VAV1: variants seen among roughly 807,000 people sequenced by gnomAD.
The protein encoded by VAV1 is vav guanine nucleotide exchange factor 1.
Under a neutral mutation model 128.1 loss-of-function variants are expected in VAV1, and 33 were observed. The observed-to-expected ratio is 0.26, with a 90% CI of 0.20 to 0.34. VAV1 has a LOEUF of 0.34. Among genes scored for constraint, VAV1 ranks in the 10% least tolerant of loss-of-function variants. VAV1 has a pLI of 1.00. For missense variants in VAV1, 715 were observed against 1,093.7 expected (o/e 0.65, Z 4.88); for synonymous variants, 394 against 409.8 (o/e 0.96, Z 0.47).
intron 7 of VAV1, 78 bp from the exon 8 acceptor site, chr19:6,825,225 G>T (rs1971888671): frequency 1.3e-6 from 2 of 1,574,966 alleles, no homozygotes; most frequent in Non-Finnish European, 1.7e-6. Flanking sequence ...GCGGCATGGG[G>T]CGGGTGGATG....
chr19:6,840,299 C>CTTT (rs1399297947), intron 21 of VAV1, among the ~76,000 whole-genome samples: 1 of 127,766 alleles, frequency 7.8e-6, no homozygotes, highest in African/African-American at 2.7e-5. Flanking sequence ...TCAGAATTTT[C>CTTT]TTTCTTTTTT....
Position 6,826,943 on chromosome 19 carries a change from C to G in VAV1, c.927+232C>G. The G allele has an allele frequency of 1.8e-6, 1 of 564,694 alleles. No individual in the cohort carries two copies. The allele number at this position is 564,694 out of a possible 1,614,324, so 35.0% of individuals were successfully genotyped here. A position where few individuals can be genotyped will look rare whatever the true frequency, so the allele number is the denominator to read the frequency against. On this transcript the variant is annotated intron_variant, in intron 9 of 26. Transcript: ENST00000602142. The surrounding 1 kb of genome is among the most constrained non-coding windows in gnomAD (Gnocchi z 4.1). ...CCTGATATCAGGGTGAAGTCCTGAC[C>G]CTGAACTGAGCTCTGATCTCACACT...
chr19:6,810,429 C>A (rs960770097), intron 1 of VAV1, among the ~76,000 whole-genome samples: 2 of 152,120 alleles, frequency 1.3e-5, no homozygotes, highest in Non-Finnish European at 2.9e-5. Flanking sequence ...CTTGGCCGGG[C>A]ACAGTGGTTC....
intron 1 of VAV1, among the ~76,000 whole-genome samples, chr19:6,786,182 C>T (rs559054337): frequency 9.3e-5 from 14 of 150,742 alleles, no homozygotes; most frequent in South Asian, 2.1e-4. Flanking sequence ...TTTAGAACAC[C>T]ACCTGGCACA....
At chr19:6,806,831 G>A (rs1971407304) in intron 1 of VAV1, among the ~76,000 whole-genome samples, 1 of 152,214 alleles carries the variant, frequency 6.6e-6, no homozygotes, top group Non-Finnish European at 1.5e-5. Flanking sequence ...TGCATAATTA[G>A]TTAATGAATA....
chr19:6,857,040 T>C lies in VAV1; in HGVS notation c.2485-14T>C, dbSNP rs770080114. The C allele has an allele frequency of 6.2e-7, 1 of 1,613,896 alleles. No homozygotes were observed. Among genetic ancestry groups the C allele is most frequent in the Non-Finnish European group, 8.5e-7 (1 of 1,179,800 alleles). ...TGCAGAGGTTGCACTGATGAACTCC[T>C]CGTCTGTTTCCAGGTTGGCTGGTTC... On this transcript the variant is annotated splice_polypyrimidine_tract_variant and intron_variant, in intron 26 of 26. Coordinates refer to ENST00000602142, the MANE Select transcript of VAV1 (RefSeq NM_005428.4).
chr19:6,787,572 A>AGATT (rs1482993433), intron 1 of VAV1, among the ~76,000 whole-genome samples: 4 of 138,742 alleles, frequency 2.9e-5, no homozygotes, highest in East Asian at 2.2e-4. Flanking sequence ...CAACTACTCC[A>AGATT]GATTTATTTA....
At chr19:6,796,396 G>A (rs1971136596) in intron 1 of VAV1, among the ~76,000 whole-genome samples, 2 of 151,802 alleles carry the variant, frequency 1.3e-5, no homozygotes, top group African/African-American at 4.9e-5. Context: ...CCACGGTTTG[G>A]GCATATCGGC....
At chr19:6,807,718 A>G (rs899523202) in intron 1 of VAV1, among the ~76,000 whole-genome samples, 23 of 152,080 alleles carry the variant, frequency 1.5e-4, no homozygotes, top group African/African-American at 5.3e-4. Context: ...TTTTAAAAAA[A>G]AGTTAAAATC....
Position 6,826,481 on chromosome 19 carries a change from A to G in VAV1, c.828-131A>G. 1 of 668,086 alleles carries G rather than the reference A, an allele frequency of 1.5e-6. No homozygotes were observed. Among genetic ancestry groups the G allele is most frequent in the Non-Finnish European group, 2.7e-6 (1 of 371,462 alleles). The allele number at this position is 668,086 out of a possible 1,614,324, so 41.4% of individuals were successfully genotyped here. Reference sequence around the variant, plus strand: ...CATGGGAGATGCTATTGTTATGCCCATTTCACAGATGGAGAAACTGGGACT... The same window carrying G: ...CATGGGAGATGCTATTGTTATGCCCGTTTCACAGATGGAGAAACTGGGACT... On this transcript the variant is annotated intron_variant, in intron 8 of 26. Coordinates refer to ENST00000602142, the MANE Select transcript of VAV1 (RefSeq NM_005428.4). The surrounding 1 kb of genome is among the most constrained non-coding windows in gnomAD (Gnocchi z 4.1).
Position 6,775,747 on chromosome 19 carries a change from A to C in VAV1, c.204+2736A>C, listed in dbSNP as rs1970605831. On this transcript the variant is annotated intron_variant, in intron 1 of 26. Coordinates refer to ENST00000602142, the MANE Select transcript of VAV1 (RefSeq NM_005428.4). ...TGACAAGAAGCCAGAGGAAGCTGCC[A>C]CAGGAACAACCTCTCTGGGTTTCTG... Among the ~76,000 whole-genome samples, 3 of 152,184 alleles carry C rather than the reference A, an allele frequency of 2.0e-5. No homozygotes were observed. In the South Asian group the frequency reaches 6.2e-4, roughly 32 times the overall value.
At chr19:6,804,114 G>A (rs945093366) in intron 1 of VAV1, among the ~76,000 whole-genome samples, 3 of 152,048 alleles carry the variant, frequency 2.0e-5, no homozygotes, top group African/African-American at 7.2e-5. Flanking sequence ...GCTTTCCACG[G>A]CAGTGAAAAT....
Position 6,825,302 on chromosome 19 carries a change from G to A in VAV1, c.724-1G>A. 6.2e-7 allele frequency: 1 copy of A among 1,611,090 alleles called. No individual in the cohort carries two copies. The highest frequency in any genetic ancestry group is 8.5e-7 in the Non-Finnish European group (1 of 1,178,490). ...CAGCCCTCACCCTTCCCTCCGAGTA[G>A]GACCTGCTTCGTGTTCATACTCACT... On this transcript the variant is annotated splice_acceptor_variant, in intron 7 of 26. Transcript: ENST00000602142. LOFTEE classifies it high-confidence loss of function.
At chr19:6,839,808 C>T (rs894069348) in intron 21 of VAV1, among the ~76,000 whole-genome samples, 8 of 151,930 alleles carry the variant, frequency 5.3e-5, no homozygotes, top group African/African-American at 1.2e-4. Flanking sequence ...CTCACACTTC[C>T]GCCTCCCAAG....
intron 1 of VAV1, among the ~76,000 whole-genome samples, chr19:6,793,461 G>A (rs1488769756): frequency 6.6e-6 from 1 of 152,118 alleles, no homozygotes; most frequent in East Asian, 1.9e-4. Context: ...TGTTGGGGGA[G>A]CTTATGGAGA....
At chr19:6,814,671 C>CTTTCTTTCTTTCCTTCTTT (rs540074087) in intron 1 of VAV1, among the ~76,000 whole-genome samples, 10 of 25,796 alleles carry the variant, frequency 3.9e-4, no homozygotes, top group South Asian at 1.4e-3. Flanking sequence ...TTCCTTCCTT[C>CTTTCTTTCTTTCCTTCTTT]CTTTCTTTCT....
At chr19:6,824,000 C>T (rs551176116) in intron 6 of VAV1, among the ~76,000 whole-genome samples, 80 of 150,544 alleles carry the variant, frequency 5.3e-4, no homozygotes, top group African/African-American at 1.9e-3. Context: ...TGCAGTGGCA[C>T]GATCATAGTT....
At chr19:6,821,922 G>C (rs547497960) in intron 4 of VAV1, 63 bp downstream of exon 4, 15 of 1,596,228 alleles carry the variant, frequency 9.4e-6, no homozygotes, top group South Asian at 6.6e-5. Flanking sequence ...TGGAGGGTGT[G>C]GGGGGACATG....
At chr19:6,783,905 C>T (rs1970828009) in intron 1 of VAV1, among the ~76,000 whole-genome samples, 1 of 152,010 alleles carries the variant, frequency 6.6e-6, no homozygotes. Context: ...GCCGTAGAAC[C>T]TCAGGGTAAT....
Sources: gnomAD v4.1 joint callset for allele counts (sites outside exome capture counted in the v4.1 genomes callset) on GRCh38, gnomAD v4.1.1 for gene constraint, Gnocchi (gnomAD v3.1) non-coding constraint, MANE v1.5 for transcripts, NCBI Gene and HGNC (gene_info 2026-07-23, HGNC 2026-07-21) for gene names.